Variants in STIM2 observed in about 807,000 individuals in gnomAD.
STIM2 encodes the protein stromal interaction molecule 2.
STIM2 carries 31 observed loss-of-function variants against 85.8 expected under a neutral mutation model. The observed-to-expected ratio is 0.36, with a 90% CI of 0.27 to 0.49. The LOEUF (loss-of-function observed/expected upper bound fraction) is 0.49, where lower values mean the gene tolerates loss of function less well. STIM2 is among the 20% of genes least tolerant of loss of function. The probability of loss-of-function intolerance (pLI) is 0.98; values close to 1 mark genes in which losing one functional copy is unlikely to be tolerated. For synonymous variants in STIM2, 356 were observed against 331.1 expected, an observed-to-expected ratio of 1.08 and a Z score of -0.82; for missense variants, 841 against 927.6, an observed-to-expected ratio of 0.91 and a Z score of 1.21.
chr4:26,872,353 ATTATT>A (rs1277881580), intron 1 of STIM2, among the ~76,000 whole-genome samples: 1 of 152,182 alleles, frequency 6.6e-6, no homozygotes, highest in African/African-American at 2.4e-5. Flanking sequence ...TTGTACCTTT[ATTATT>A]TTATATGATT....
chr4:26,979,869 T>C (rs1049039997), intron 3 of STIM2, among the ~76,000 whole-genome samples: 1 of 152,220 alleles, frequency 6.6e-6, no homozygotes, highest in African/African-American at 2.4e-5. Flanking sequence ...TAATGAAAGA[T>C]TTGGTAGTAT....
rs1180562214 is a variant in STIM2 at position 27,012,168 on chromosome 4, C to G, written c.1489+3166C>G. Among the ~76,000 whole-genome samples the G allele has an allele frequency of 2.6e-5, 4 of 152,044 alleles. No individual in the cohort carries two copies. The East Asian group carries it at 7.7e-4, about 29-fold the overall frequency. On this transcript the variant is annotated intron_variant, in intron 10 of 11. Transcript: ENST00000467087. ...CCCATTTTGTTTCACTGGCCCTATT[C>G]TGCTTTAGTTTCTAGAGTTTTATAA... is the stretch of plus-strand genomic sequence containing the variant.
chr4:26,938,913 G>T (rs374576121), intron 2 of STIM2, among the ~76,000 whole-genome samples: 1 of 150,688 alleles, frequency 6.6e-6, no homozygotes, highest in Admixed American at 6.6e-5. Flanking sequence ...TTTCCAGTTT[G>T]TTTTTTTTTA....
chr4:26,896,218 T>C (rs564623738), intron 1 of STIM2, among the ~76,000 whole-genome samples: 1 of 152,346 alleles, frequency 6.6e-6, no homozygotes, highest in African/African-American at 2.4e-5. Context: ...GGTGAATCTC[T>C]TTCACACTTT....
rs564864110 is a variant in STIM2, at chr4:26,880,682, AAT to A, written c.151+19324_151+19325del. Among the ~76,000 whole-genome samples the A allele has an allele frequency of 3.0e-3, 421 of 142,526 alleles. 2 individuals carry two copies. Among genetic ancestry groups the A allele is most frequent in the African/African-American group, 9.4e-3 (362 of 38,606 alleles). The allele number at this position is 142,526 out of a possible 152,430, so 93.5% of individuals were successfully genotyped here. The stretch of plus-strand genomic sequence containing the variant: ...AAATATATATGTAAATATATATGTA[AAT>A]ATATATATATGTATATATATATCTA... On this transcript the variant is annotated intron_variant, in intron 1 of 11. Coordinates refer to ENST00000467087, the MANE Select transcript of STIM2 (RefSeq NM_020860.4).
At chr4:26,989,239 T>G (rs1409453051) in intron 3 of STIM2, among the ~76,000 whole-genome samples, 1 of 152,168 alleles carries the variant, frequency 6.6e-6, no homozygotes, top group Non-Finnish European at 1.5e-5. Flanking sequence ...ACGGCCCAGT[T>G]TAAATGAATT....
Position 27,008,937 on chromosome 4 carries a change from A to G in STIM2, c.1424A>G (p.Tyr475Cys), listed in dbSNP as rs369199067. Residue 475 changes from tyrosine to cysteine, a missense_variant, in exon 10 of 12, where the codon TAT becomes TGT. Transcript: ENST00000467087. ...ATGCCCAGAGTCTCCATTCCACCCT[A>G]TCCAATTGCTGGAGGAGTTGATGAC... is the stretch of plus-strand genomic sequence containing the variant. 2 of 1,614,000 alleles carry G rather than the reference A, an allele frequency of 1.2e-6. No individual in the cohort carries two copies. Among genetic ancestry groups the G allele is most frequent in the African/African-American group, 2.7e-5 (2 of 74,914 alleles).
intron 2 of STIM2, among the ~76,000 whole-genome samples, chr4:26,947,620 T>G (rs2109086116): frequency 6.6e-6 from 1 of 152,088 alleles, no homozygotes; most frequent in East Asian, 1.9e-4. Context: ...ATCTCCATTC[T>G]TTGCCACGAG....
intron 3 of STIM2, among the ~76,000 whole-genome samples, chr4:26,970,376 T>C (rs1726901258): frequency 6.6e-6 from 1 of 152,034 alleles, no homozygotes; most frequent in Non-Finnish European, 1.5e-5. Context: ...GTATTTCTCC[T>C]AATGCTATCC....
chr4:26,894,773 T>C (rs1723632578), intron 1 of STIM2, among the ~76,000 whole-genome samples: 1 of 152,254 alleles, frequency 6.6e-6, no homozygotes, highest in South Asian at 2.1e-4. Flanking sequence ...GGCTATTCTT[T>C]GCCCTTTGCA....
intron 1 of STIM2, chr4:26,874,261 T>C (rs1223076069): frequency 4.8e-6 from 2 of 420,748 alleles, no homozygotes; most frequent in Non-Finnish European, 9.4e-6. Context: ...GGCCACAGGC[T>C]GCAGCTCCTT....
At chr4:26,891,585 ACACACACACACACC>A (rs1369223622) in intron 1 of STIM2, among the ~76,000 whole-genome samples, 1 of 150,832 alleles carries the variant, frequency 6.6e-6, no homozygotes, top group Admixed American at 6.6e-5. Flanking sequence ...ACACACACAC[ACACACACACACACC>A]CCCTTTTGGT....
intron 7 of STIM2, among the ~76,000 whole-genome samples, chr4:27,007,177 C>T (rs1728392472): frequency 6.6e-6 from 1 of 151,910 alleles, no homozygotes. Context: ...ATACCCTTGA[C>T]TTTTTTTTCC....
intron 2 of STIM2, among the ~76,000 whole-genome samples, chr4:26,954,057 A>G (rs1304403139): frequency 2.6e-5 from 4 of 152,124 alleles, no homozygotes; most frequent in Non-Finnish European, 5.9e-5. Flanking sequence ...GTTGGTGAGT[A>G]TTTGTCTGGG....
chr4:26,944,862 A>G (rs1386970297), intron 2 of STIM2, among the ~76,000 whole-genome samples: 3 of 152,232 alleles, frequency 2.0e-5, no homozygotes, highest in African/African-American at 4.8e-5. Context: ...AAGATTTTCA[A>G]ATCTAATAGT....
At chr4:26,982,684 AT>A (rs1434842627) in intron 3 of STIM2, among the ~76,000 whole-genome samples, 3 of 152,136 alleles carry the variant, frequency 2.0e-5, no homozygotes, top group African/African-American at 7.2e-5. Flanking sequence ...AGAAACCAAG[AT>A]TTGGGCACTA....
At chr4:27,021,273 T>G (rs193167932) in intron 11 of STIM2, 260 of 514,782 alleles carry the variant, frequency 5.1e-4, no homozygotes, top group African/African-American at 4.7e-3. Context: ...ATAAACAAGT[T>G]AATATAAAAT....
intron 2 of STIM2, among the ~76,000 whole-genome samples, chr4:26,934,221 T>A (rs1342985729): frequency 6.6e-6 from 1 of 151,832 alleles, no homozygotes; most frequent in Non-Finnish European, 1.5e-5. Flanking sequence ...CCCACAAAAA[T>A]ATAGATTAAA....
At chr4:26,961,681 A>G (rs1486770610) in intron 3 of STIM2, among the ~76,000 whole-genome samples, 2 of 152,182 alleles carry the variant, frequency 1.3e-5, no homozygotes, top group Non-Finnish European at 2.9e-5. Context: ...TCACTATTAT[A>G]CACAGAAGGT....
Sources: gnomAD v4.1 joint callset for allele counts (sites outside exome capture counted in the v4.1 genomes callset) on GRCh38, gnomAD v4.1.1 for gene constraint, MANE v1.5 for transcripts, NCBI Gene and HGNC (gene_info 2026-07-23, HGNC 2026-07-21) for gene names.